ADAM18: variants seen among roughly 807,000 people sequenced by gnomAD.
ADAM18 encodes the protein disintegrin and metalloproteinase domain-containing protein 18.
ADAM18 carries 117 observed loss-of-function variants against 94.4 expected under a neutral mutation model. That is an observed-to-expected ratio of 1.24 (90% confidence interval 1.07 to 1.45). ADAM18 has a LOEUF of 1.45. Ranked by LOEUF, ADAM18 falls within the 40% of genes most tolerant of loss-of-function variation. The probability of loss-of-function intolerance (pLI) is 0.00; values close to 1 mark genes in which losing one functional copy is unlikely to be tolerated. For missense variants in ADAM18, 936 were observed against 880.0 expected (o/e 1.06, Z -0.81); for synonymous variants, 327 against 291.6 (o/e 1.12, Z -1.24).
chr8:39,714,941 G>C (rs979109309), intron 18 of ADAM18, among the ~76,000 whole-genome samples: 28 of 152,052 alleles, frequency 1.8e-4, no homozygotes, highest in African/African-American at 6.8e-4. Flanking sequence ...AGAATTTACT[G>C]TATATAATTG....
chr8:39,718,145 A>G (rs1164740640), intron 18 of ADAM18, among the ~76,000 whole-genome samples: 1 of 151,554 alleles, frequency 6.6e-6, no homozygotes, highest in Non-Finnish European at 1.5e-5. Context: ...AGCTGTTATG[A>G]AAAACAGTAT....
intron 7 of ADAM18, among the ~76,000 whole-genome samples, chr8:39,633,388 G>A (rs1289429668): frequency 6.6e-6 from 1 of 152,200 alleles, no homozygotes; most frequent in African/African-American, 2.4e-5. Flanking sequence ...TCTGATGAGA[G>A]CTCATAAGAA....
Position 39,584,637 on chromosome 8 carries a change from C to T in ADAM18, c.15C>T (p.Leu5=), listed in dbSNP as rs760158551. 59 of 1,613,148 alleles carry T rather than the reference C, an allele frequency of 3.7e-5. No individual in the cohort carries two copies. Among genetic ancestry groups the T allele is most frequent in the Non-Finnish European group, 4.7e-5 (56 of 1,180,050 alleles). ...CTGGCTGAGCCATGTTCCTTCTCCT[C>T]GCCCTCCTCACTGAGCTTGGAAGAC... MFLL[L]ALLTELGRLQ... The change falls in exon 1 of 20, where the codon CTC becomes CTT. Residue 5 remains leucine, a synonymous_variant. Transcript: ENST00000265707.
In ADAM18 at chr8:39,638,462, T is replaced by C. The variant is rs1281856138; in HGVS notation, c.828-3T>C. 1.3e-6 allele frequency: 2 copies of C among 1,539,506 alleles called. No homozygotes were observed. Among genetic ancestry groups the C allele is most frequent in the Non-Finnish European group, 1.8e-6 (2 of 1,135,274 alleles). On this transcript the variant is annotated splice_region_variant and splice_polypyrimidine_tract_variant and intron_variant, in intron 9 of 19. Transcript: ENST00000265707. ...ACGTTAATAAAAAATTATAATAATG[T>C]AGTTACAGGAAACATCCTAAATATG...
At chr8:39,677,670 C>T in intron 15 of ADAM18, 134 bp downstream of exon 15, 1 of 618,488 alleles carries the variant, frequency 1.6e-6, no homozygotes, top group Non-Finnish European at 2.6e-6. Flanking sequence ...TATATTTTTT[C>T]TATGAAATTC....
At chr8:39,675,843 T>A (rs1563302036) in intron 14 of ADAM18, among the ~76,000 whole-genome samples, 1 of 151,944 alleles carries the variant, frequency 6.6e-6, no homozygotes, top group Non-Finnish European at 1.5e-5. Context: ...ATTGATGCTA[T>A]TTCTTTCTGT....
chr8:39,668,480 A>T (rs1258878264), intron 14 of ADAM18, among the ~76,000 whole-genome samples: 1 of 152,182 alleles, frequency 6.6e-6, no homozygotes, highest in Non-Finnish European at 1.5e-5. Flanking sequence ...AAATCAGTAG[A>T]TTCTAAAATT....
intron 13 of ADAM18, among the ~76,000 whole-genome samples, chr8:39,665,087 A>G (rs966021837): frequency 6.6e-6 from 1 of 152,186 alleles, no homozygotes; most frequent in Non-Finnish European, 1.5e-5. Flanking sequence ...GTGCCTCTTT[A>G]TACTCAGTCC....
intron 18 of ADAM18, among the ~76,000 whole-genome samples, chr8:39,717,633 G>A (rs1822617571): frequency 6.6e-6 from 1 of 151,568 alleles, no homozygotes. Context: ...AAAGAAAAAT[G>A]TGACCTATAT....
rs531235560 is a variant in ADAM18, at chr8:39,604,255, C to T, written c.133-2052C>T. 2.0e-4 allele frequency among the ~76,000 whole-genome samples: 31 copies of T among 152,252 alleles called. No homozygotes were observed. In the South Asian group the frequency reaches 5.6e-3, roughly 28 times the overall value. On this transcript the variant is annotated intron_variant, in intron 2 of 19. Transcript: ENST00000265707. ...TTACAAAAAAACATACGAAGTGCTT[C>T]GGACCATACTAGGCATTTGATAAGC... is the stretch of plus-strand genomic sequence containing the variant.
Position 39,690,726 on chromosome 8 carries a change from G to T in ADAM18, c.1822-1874G>T, listed in dbSNP as rs1240580848. 3.9e-5 allele frequency among the ~76,000 whole-genome samples: 6 copies of T among 152,116 alleles called. No individual in the cohort carries two copies. The East Asian group carries it at 7.7e-4, about 20-fold the overall frequency. On this transcript the variant is annotated intron_variant, in intron 16 of 19. Transcript: ENST00000265707. ...CCCCACCAACCAAATGTTGGTGAGG[G>T]TGAAGAGAAAAGGAAACACACACGA...
chr8:39,653,616 G>A (rs1820600739), intron 12 of ADAM18, among the ~76,000 whole-genome samples: 1 of 152,142 alleles, frequency 6.6e-6, no homozygotes, highest in Non-Finnish European at 1.5e-5. Flanking sequence ...TTAGACTTAG[G>A]AAAAAACCTA....
intron 13 of ADAM18, among the ~76,000 whole-genome samples, chr8:39,666,814 G>A (rs1821003129): frequency 6.6e-6 from 1 of 152,168 alleles, no homozygotes; most frequent in Admixed American, 6.5e-5. Context: ...AATTATGGGA[G>A]CTACAATTCA....
chr8:39,666,331 C>T (rs985313091), intron 13 of ADAM18, among the ~76,000 whole-genome samples: 23 of 152,270 alleles, frequency 1.5e-4, no homozygotes, highest in African/African-American at 4.3e-4. Context: ...TTAGCCACCA[C>T]GCCTGGCTAC....
At chr8:39,716,995 C>T (rs1822596018) in intron 18 of ADAM18, among the ~76,000 whole-genome samples, 1 of 151,736 alleles carries the variant, frequency 6.6e-6, no homozygotes, top group African/African-American at 2.4e-5. Flanking sequence ...ATAAGTCTGA[C>T]CACTTATGCT....
At chr8:39,724,689 C>T (rs1020209315) in intron 19 of ADAM18, among the ~76,000 whole-genome samples, 1 of 151,798 alleles carries the variant, frequency 6.6e-6, no homozygotes, top group Non-Finnish European at 1.5e-5. Context: ...CTGATACAGG[C>T]ATTTAAATCC....
chr8:39,602,176 C>A (rs1189724473), intron 2 of ADAM18, among the ~76,000 whole-genome samples: 1 of 152,142 alleles, frequency 6.6e-6, no homozygotes, highest in Non-Finnish European at 1.5e-5. Flanking sequence ...GTTTTGGATG[C>A]ATACCCCACA....
rs1187861663 is a variant in ADAM18 at position 39,692,752 on chromosome 8, T to C, written c.1902+72T>C. On this transcript the variant is annotated intron_variant, in intron 17 of 19. Coordinates refer to ENST00000265707, the MANE Select transcript of ADAM18 (RefSeq NM_014237.3). ...TCAAATAAACATCTGTTTATGAGGATTGAGAGTCTAGGTTGACTTGCCTAG... is the reference window on the plus strand; with the variant it reads ...TCAAATAAACATCTGTTTATGAGGACTGAGAGTCTAGGTTGACTTGCCTAG... 5.5e-6 allele frequency: 7 copies of C among 1,274,676 alleles called. No homozygotes were observed. The African/African-American group carries it at 6.0e-5, about 11-fold the overall frequency. The allele number at this position is 1,274,676 out of a possible 1,614,324, so 79.0% of individuals were successfully genotyped here.
At chr8:39,652,786 C>T (rs1240472990) in intron 12 of ADAM18, among the ~76,000 whole-genome samples, 1 of 152,130 alleles carries the variant, frequency 6.6e-6, no homozygotes, top group Admixed American at 6.6e-5. Flanking sequence ...ACCTAAGTGT[C>T]TATCAATAAA....
Sources: allele counts gnomAD v4.1 joint callset (sites outside exome capture counted in the v4.1 genomes callset), GRCh38; gene constraint gnomAD v4.1.1; transcripts MANE v1.5; gene names NCBI Gene and HGNC (gene_info 2026-07-23, HGNC 2026-07-21).